Variants in LIN54 observed in about 807,000 individuals in gnomAD.
The protein encoded by LIN54 is lin-54 DREAM MuvB core complex component.
Under a neutral mutation model 78.7 loss-of-function variants are expected in LIN54, and 9 were observed. The observed-to-expected ratio is 0.11, with a 90% confidence interval of 0.07 to 0.20. The LOEUF is 0.20. Ranked by LOEUF, LIN54 falls within the 10% of genes least tolerant of loss-of-function variation. The pLI, the probability that LIN54 is intolerant of heterozygous loss-of-function variation, is 1.00. For synonymous variants in LIN54, 269 were observed against 318.4 expected (o/e 0.84, Z 1.65); for missense variants, 573 against 889.9 (o/e 0.64, Z 4.53).
chr4:82,999,640 C>G (rs1205674097), intron 1 of LIN54, among the ~76,000 whole-genome samples: 1 of 151,598 alleles, frequency 6.6e-6, no homozygotes, highest in Non-Finnish European at 1.5e-5. Context: ...TAGCTGTGCA[C>G]GGTGGTACAC....
intron 1 of LIN54, among the ~76,000 whole-genome samples, chr4:82,999,291 T>C (rs1317924271): frequency 6.6e-6 from 1 of 152,174 alleles, no homozygotes; most frequent in African/African-American, 2.4e-5. Context: ...GTTTAACAGC[T>C]TGATAAGTAC....
chr4:82,932,584 C>T (rs1328035358), intron 11 of LIN54, among the ~76,000 whole-genome samples: 2 of 150,220 alleles, frequency 1.3e-5, no homozygotes, highest in African/African-American at 2.4e-5. Context: ...TTTGGGAGGC[C>T]GAGGTGGGAG....
At chr4:82,945,338 A>G (rs1052823561) in intron 5 of LIN54, among the ~76,000 whole-genome samples, 1 of 152,172 alleles carries the variant, frequency 6.6e-6, no homozygotes, top group Non-Finnish European at 1.5e-5. Flanking sequence ...ATATCCCTCA[A>G]TTTTTAGAAA....
chr4:83,003,257 C>T (rs1246560256), intron 1 of LIN54, among the ~76,000 whole-genome samples: 3 of 152,072 alleles, frequency 2.0e-5, no homozygotes, highest in African/African-American at 7.2e-5. Flanking sequence ...TCAATTGATC[C>T]GCCCAGCTCG....
intron 12 of LIN54, among the ~76,000 whole-genome samples, chr4:82,929,379 G>A (rs1721756890): frequency 6.6e-6 from 1 of 151,950 alleles, no homozygotes; most frequent in Non-Finnish European, 1.5e-5. Flanking sequence ...TCTCCATGTG[G>A]AGATTAGATT....
At chr4:82,962,239 T>C (rs1313803870) in intron 4 of LIN54, among the ~76,000 whole-genome samples, 5 of 152,154 alleles carry the variant, frequency 3.3e-5, no homozygotes, top group African/African-American at 4.8e-5. Context: ...CCTCATTTAT[T>C]TGACCCAATC....
rs941505325 is a variant in LIN54 at position 82,925,870 on chromosome 4, C to A, written c.*2232G>T. 8 of 152,264 alleles carry A rather than the reference C, an allele frequency of 5.3e-5. No individual in the cohort carries two copies. Among genetic ancestry groups the A allele is most frequent in the Non-Finnish European group, 2.9e-5 (2 of 67,940 alleles). 9.4% of individuals were successfully genotyped at this position (152,264 alleles called of 1,614,324 possible). ...TAAATAGAGCTAAAAAATTATATAC[C>A]CAACCCTCCCCAAATAGTCTTTTAA... is the stretch of plus-strand genomic sequence containing the variant. On this transcript the variant is annotated 3_prime_UTR_variant, in exon 13 of 13. Transcript: ENST00000340417.
At chr4:83,006,744 G>A (rs1376950477) in intron 1 of LIN54, among the ~76,000 whole-genome samples, 1 of 152,160 alleles carries the variant, frequency 6.6e-6, no homozygotes, top group African/African-American at 2.4e-5. Flanking sequence ...CTATTTAGGT[G>A]AGCTTCCTTA....
chr4:82,996,906 G>C (rs1728275519), intron 1 of LIN54, among the ~76,000 whole-genome samples: 1 of 151,856 alleles, frequency 6.6e-6, no homozygotes, highest in Non-Finnish European at 1.5e-5. Context: ...TCTAAAATAG[G>C]ACCGCCATCC....
chr4:82,992,634 A>G (rs1162577389), intron 1 of LIN54, among the ~76,000 whole-genome samples: 2 of 152,194 alleles, frequency 1.3e-5, no homozygotes, highest in Non-Finnish European at 2.9e-5. Context: ...GACTCACTGA[A>G]GCGTCGAATT....
intron 4 of LIN54, among the ~76,000 whole-genome samples, chr4:82,968,236 G>T (rs996135442): frequency 3.3e-5 from 5 of 151,848 alleles, no homozygotes; most frequent in African/African-American, 1.2e-4. Flanking sequence ...TAGAGACAGG[G>T]TTTCTCCATG....
intron 4 of LIN54, among the ~76,000 whole-genome samples, chr4:82,947,480 ACTC>A (rs1723500920): frequency 6.8e-6 from 1 of 146,110 alleles, no homozygotes; most frequent in Non-Finnish European, 1.5e-5. Context: ...CTGGTCTTGA[ACTC>A]CTGGGCTCAA....
At chr4:82,961,047 G>A (rs560310299) in intron 4 of LIN54, among the ~76,000 whole-genome samples, 1 of 152,128 alleles carries the variant, frequency 6.6e-6, no homozygotes, top group African/African-American at 2.4e-5. Flanking sequence ...GTGACAGAGT[G>A]AGATCCTGTT....
intron 11 of LIN54, among the ~76,000 whole-genome samples, chr4:82,932,377 T>C (rs917091305): frequency 6.6e-6 from 1 of 151,104 alleles, no homozygotes. Context: ...ATTACAGATG[T>C]GAGCCACCGC....
In LIN54 at chr4:82,931,160, T is replaced by G. The variant is rs1721920346; in HGVS notation, c.1846-15A>C. The stretch of plus-strand genomic sequence containing the variant: ...ATTATTTTTGCCTAAAAGATTTACA[T>G]AAGAAAAGTTTCCAAATCAAAACCA... On this transcript the variant is annotated splice_polypyrimidine_tract_variant and intron_variant, in intron 11 of 12. Coordinates refer to ENST00000340417, the MANE Select transcript of LIN54 (RefSeq NM_194282.4). 3 of 1,610,228 alleles carry G rather than the reference T, an allele frequency of 1.9e-6. No individual in the cohort carries two copies. The East Asian group carries it at 6.7e-5, about 36-fold the overall frequency.
At chr4:82,945,237 A>G (rs1723262692) in intron 5 of LIN54, among the ~76,000 whole-genome samples, 2 of 152,222 alleles carry the variant, frequency 1.3e-5, no homozygotes, top group African/African-American at 4.8e-5. Context: ...ACAATATATC[A>G]CTTAATTGCC....
At chr4:82,999,462 T>C (rs533584649) in intron 1 of LIN54, among the ~76,000 whole-genome samples, 1 of 152,122 alleles carries the variant, frequency 6.6e-6, no homozygotes, top group Admixed American at 6.6e-5. Flanking sequence ...TTGTCTAATA[T>C]TGAAAATGCA....
rs76842675 is a variant in LIN54 at position 82,966,450 on chromosome 4, C to T, written c.951+3877G>A. Among the ~76,000 whole-genome samples the T allele has an allele frequency of 3.3e-3, 495 of 150,256 alleles. 1 individual carries two copies. The highest frequency in any genetic ancestry group is 0.011 in the African/African-American group (463 of 40,750). On this transcript the variant is annotated intron_variant, in intron 4 of 12. Coordinates refer to ENST00000340417, the MANE Select transcript of LIN54 (RefSeq NM_194282.4). ...CGATGGTATCCCTATCATCTACCTC[C>T]TATTAAAAAAAAAAAAAAGACAGAA... is the stretch of plus-strand genomic sequence containing the variant.
intron 1 of LIN54, among the ~76,000 whole-genome samples, chr4:82,991,835 T>C (rs1400687120): frequency 6.6e-6 from 1 of 152,196 alleles, no homozygotes; most frequent in Non-Finnish European, 1.5e-5. Flanking sequence ...CCCCACTTGA[T>C]CATGTCTTAT....
Sources: gnomAD v4.1 joint callset for allele counts (sites outside exome capture counted in the v4.1 genomes callset) on GRCh38, gnomAD v4.1.1 for gene constraint, MANE v1.5 for transcripts, NCBI Gene and HGNC (gene_info 2026-07-23, HGNC 2026-07-21) for gene names.